The following SH3PXD2B variants were observed in gnomAD, a reference collection of about 807,000 sequenced individuals.
SH3PXD2B encodes the protein SH3 and PX domain-containing protein 2B.
In SH3PXD2B, 37 loss-of-function variants were observed where a neutral mutation model predicts 73.1. The observed-to-expected ratio is 0.51, with a 90% confidence interval of 0.39 to 0.67. The LOEUF (loss-of-function observed/expected upper bound fraction) is 0.67. SH3PXD2B is among the 30% of genes least tolerant of loss of function. The pLI is 0.00. For missense variants in SH3PXD2B, 1,053 were observed against 1,197.8 expected (o/e 0.88, Z 1.78); for synonymous variants, 457 against 480.5 (o/e 0.95, Z 0.64).
At chr5:172,382,965 C>T (rs1234735329) in intron 4 of SH3PXD2B, among the ~76,000 whole-genome samples, 1 of 151,818 alleles carries the variant, frequency 6.6e-6, no homozygotes, top group East Asian at 1.9e-4. Flanking sequence ...CTCGAACTCC[C>T]GGCCTCAAGT....
chr5:172,356,604 C>A (rs189593932), intron 8 of SH3PXD2B: 1 of 152,436 alleles, frequency 6.6e-6, no homozygotes, highest in East Asian at 1.9e-4. Flanking sequence ...GCAACAGGCA[C>A]GGGTGGTCCC....
chr5:172,346,067 G>T, intron 12 of SH3PXD2B, 69 bp downstream of exon 12: 1 of 1,611,022 alleles, frequency 6.2e-7, no homozygotes, highest in Non-Finnish European at 8.5e-7. Context: ...GAGGTGACAG[G>T]GGAGAAGTAG....
intron 4 of SH3PXD2B, among the ~76,000 whole-genome samples, chr5:172,389,329 C>A (rs919510670): frequency 3.3e-5 from 5 of 151,990 alleles, no homozygotes; most frequent in African/African-American, 1.2e-4. Flanking sequence ...GCTGGAATTA[C>A]AGGCATGAGC....
chr5:172,325,280 A>C (rs1486289364), exon 13 of SH3PXD2B: 29 of 1,534,416 alleles, frequency 1.9e-5, no homozygotes, highest in African/African-American at 4.1e-5. Flanking sequence ...TGGTTCTCAC[A>C]TCTCCATGGA....
At chr5:172,379,977 C>A (rs7715331) in intron 5 of SH3PXD2B, among the ~76,000 whole-genome samples, 3 of 152,190 alleles carry the variant, frequency 2.0e-5, no homozygotes, top group African/African-American at 4.8e-5. Flanking sequence ...CTGTGCCTCT[C>A]TTTCATTATC....
intron 2 of SH3PXD2B, among the ~76,000 whole-genome samples, chr5:172,411,144 ACTAT>A (rs1258512551): frequency 1.3e-5 from 2 of 152,172 alleles, no homozygotes; most frequent in African/African-American, 4.8e-5. Flanking sequence ...TTTGCCTAAC[ACTAT>A]CTACTTTTTC....
At chr5:172,381,157 CAGCCTTGGTT>C (rs1452602319) in intron 5 of SH3PXD2B, among the ~76,000 whole-genome samples, 1 of 152,254 alleles carries the variant, frequency 6.6e-6, no homozygotes, top group African/African-American at 2.4e-5. Context: ...TCAGCAAACT[CAGCCTTGGTT>C]ACGGCTGCTG....
chr5:172,364,964 T>A (rs555953420), intron 6 of SH3PXD2B, among the ~76,000 whole-genome samples: 16 of 152,224 alleles, frequency 1.1e-4, no homozygotes, highest in African/African-American at 3.9e-4. Flanking sequence ...GTTAGAACCA[T>A]GAGGTCTGGA....
chr5:172,339,357 T>C lies in SH3PXD2B; in HGVS notation c.1748A>G (p.Asp583Gly). The change falls in exon 13 of 13, where the codon GAC becomes GGC. Residue 583 changes from aspartate (D) to glycine (G), a missense_variant. Physicochemically the swap from Asp to Gly is moderately conservative, Grantham distance 94. This residue lies in a region of SH3PXD2B where 587 missense variants were observed against 590.7 expected (regional missense o/e 0.99). Transcript: ENST00000311601. The surrounding 1 kb of genome is among the most constrained non-coding windows in gnomAD (Gnocchi z 6.1). Reference sequence around the variant, plus strand: ...TTTCAGCTGGAACAGTCTGCTTTTGTCAGGTTTGGGCTCTGGCCTCCTGCT... The same window carrying C: ...TTTCAGCTGGAACAGTCTGCTTTTGCCAGGTTTGGGCTCTGGCCTCCTGCT... ...RDSRRPEPKP[D>G]KSRLFQLKND... 7.4e-6 allele frequency: 12 copies of C among 1,614,200 alleles called. No individual in the cohort carries two copies. The highest frequency in any genetic ancestry group is 1.0e-5 in the Non-Finnish European group (12 of 1,180,044).
intron 1 of SH3PXD2B, among the ~76,000 whole-genome samples, chr5:172,439,682 G>A (rs1180529119): frequency 3.2e-4 from 35 of 109,538 alleles, no homozygotes; most frequent in African/African-American, 1.1e-3. Flanking sequence ...GTGCGTGCGC[G>A]CACGCGCGCG....
intron 6 of SH3PXD2B, among the ~76,000 whole-genome samples, chr5:172,373,002 C>G (rs981457260): frequency 1.3e-5 from 2 of 152,212 alleles, no homozygotes; most frequent in Non-Finnish European, 2.9e-5. Context: ...TCAATTATTC[C>G]TCTGTGCATA....
In SH3PXD2B at chr5:172,334,409, C is replaced by T; in HGVS notation, c.*3960G>A. 1.0e-6 allele frequency: 1 copy of T among 989,584 alleles called. No individual in the cohort carries two copies. Among genetic ancestry groups the T allele is most frequent in the Non-Finnish European group, 1.2e-6 (1 of 833,214 alleles). 61.3% of individuals were successfully genotyped at this position (989,584 alleles called of 1,614,324 possible). On this transcript the variant is annotated 3_prime_UTR_variant, in exon 13 of 13. Coordinates refer to ENST00000311601, the MANE Select transcript of SH3PXD2B (RefSeq NM_001017995.3). ...CAGGCCTCGATGCATGCTGCTCTAC[C>T]TCTCATCAGCCCACAGTCTGACACG...
chr5:172,369,667 C>T (rs1462349010), intron 6 of SH3PXD2B, among the ~76,000 whole-genome samples: 1 of 152,082 alleles, frequency 6.6e-6, no homozygotes. Flanking sequence ...ACTCGGGAGG[C>T]TGAGGCAGAA....
intron 12 of SH3PXD2B, among the ~76,000 whole-genome samples, chr5:172,326,171 G>C (rs1181710305): frequency 6.6e-6 from 1 of 152,196 alleles, no homozygotes; most frequent in Non-Finnish European, 1.5e-5. Context: ...AACCATAGCG[G>C]CCTGGTTACT....
In SH3PXD2B at chr5:172,350,257, G is replaced by C. The variant is rs1757128625; in HGVS notation, c.1012+106C>G. The C allele has an allele frequency of 4.7e-6, 5 of 1,073,530 alleles. No homozygotes were observed. The East Asian group carries it at 1.2e-4, about 26-fold the overall frequency. 66.5% of individuals were successfully genotyped at this position (1,073,530 alleles called of 1,614,324 possible). A position where few individuals can be genotyped will look rare whatever the true frequency, so the allele number is the denominator to read the frequency against. ...CTGTTTTCTTATCTGGAGGATGGGG[G>C]AGCAGCTGGGCTGCTGTGAGGATGA... is the stretch of plus-strand genomic sequence containing the variant. On this transcript the variant is annotated intron_variant, in intron 10 of 12. Coordinates refer to ENST00000311601, the MANE Select transcript of SH3PXD2B (RefSeq NM_001017995.3).
At chr5:172,402,350 T>C (rs1361334151) in intron 3 of SH3PXD2B, among the ~76,000 whole-genome samples, 3 of 152,224 alleles carry the variant, frequency 2.0e-5, no homozygotes, top group East Asian at 1.9e-4. Context: ...CGAAACTTCA[T>C]TAGCAATTTA....
At chr5:172,365,044 C>T (rs2113328488) in intron 6 of SH3PXD2B, among the ~76,000 whole-genome samples, 1 of 152,310 alleles carries the variant, frequency 6.6e-6, no homozygotes, top group South Asian at 2.1e-4. Flanking sequence ...GCTCTGTGCC[C>T]ATGCTCTGGC....
In SH3PXD2B at chr5:172,353,811, C is replaced by T. The variant is rs1407595347; in HGVS notation, c.785+77G>A. 3.6e-6 allele frequency: 4 copies of T among 1,125,198 alleles called. No individual in the cohort carries two copies. Among genetic ancestry groups the T allele is most frequent in the Non-Finnish European group, 4.1e-6 (3 of 735,416 alleles). 69.7% of individuals were successfully genotyped at this position (1,125,198 alleles called of 1,614,324 possible). On this transcript the variant is annotated intron_variant, in intron 9 of 12. Coordinates refer to ENST00000311601, the MANE Select transcript of SH3PXD2B (RefSeq NM_001017995.3). This position sits in a 1 kb window ranked among gnomAD's most constrained non-coding sequence, Gnocchi z 4.3. ...AATCACTTACCGACCTCTGTGAGGCCAGAGTCCCTGTGACCCCAAACCCAC... is the reference window on the plus strand; with the variant it reads ...AATCACTTACCGACCTCTGTGAGGCTAGAGTCCCTGTGACCCCAAACCCAC...
chr5:172,354,396 C>T (rs1032439337), intron 8 of SH3PXD2B, among the ~76,000 whole-genome samples: 1 of 152,190 alleles, frequency 6.6e-6, no homozygotes, highest in African/African-American at 2.4e-5. Flanking sequence ...TATTGTGTTT[C>T]GTTCAGTGTG....
Sources: allele counts gnomAD v4.1 joint callset (sites outside exome capture counted in the v4.1 genomes callset), GRCh38; gene constraint gnomAD v4.1.1; regional missense constraint gnomAD v4.1.1; non-coding constraint Gnocchi (gnomAD v3.1); transcripts MANE v1.5; gene names NCBI Gene and HGNC (gene_info 2026-07-23, HGNC 2026-07-21).